Variants in MIS18A observed in about 807,000 individuals in gnomAD.
The protein encoded by MIS18A is MIS18 kinetochore protein A.
MIS18A carries 14 observed loss-of-function variants against 25.0 expected under a neutral mutation model. The observed-to-expected ratio is 0.56, with a 90% CI of 0.37 to 0.88. The LOEUF is 0.88. Among genes scored for constraint, MIS18A ranks in the 40% least tolerant of loss-of-function variants. The pLI, the probability that MIS18A is intolerant of heterozygous loss-of-function variation, is 0.00. For missense variants in MIS18A, 292 were observed against 290.8 expected (o/e 1.00, Z -0.03); for synonymous variants, 134 against 118.6 (o/e 1.13, Z -0.84).
At chr21:32,167,332 T>A in the MIS18A span, among the ~76,000 whole-genome samples, 1 of 151,754 alleles carries the variant, frequency 6.6e-6, no homozygotes, top group Non-Finnish European at 1.5e-5. Flanking sequence ...CAGGTTCCCA[T>A]ATGCTGAAAT....
the MIS18A span, among the ~76,000 whole-genome samples, chr21:32,253,189 A>C: frequency 1.3e-5 from 2 of 152,080 alleles, no homozygotes; most frequent in African/African-American, 2.4e-5. Context: ...AGAGTTGTGC[A>C]CTGATGGCCT....
At chr21:32,207,650 GGTTT>G in the MIS18A span, among the ~76,000 whole-genome samples, 10 of 151,828 alleles carry the variant, frequency 6.6e-5, no homozygotes, top group East Asian at 1.9e-3. Context: ...GAAACAGATT[GGTTT>G]GTTGGAATTT....
At chr21:32,169,845 A>AG in the MIS18A span, among the ~76,000 whole-genome samples, 3 of 152,318 alleles carry the variant, frequency 2.0e-5, no homozygotes, top group African/African-American at 7.2e-5. Context: ...GAAAGTCACT[A>AG]GAAAAACAAA....
At chr21:32,276,227 G>A (rs191268651) in intron 1 of MIS18A, among the ~76,000 whole-genome samples, 64 of 152,116 alleles carry the variant, frequency 4.2e-4, no homozygotes, top group Non-Finnish European at 6.8e-4. Context: ...TTGGGAGGCC[G>A]AGGCAGGCGG....
At chr21:32,214,288 T>C in the MIS18A span, among the ~76,000 whole-genome samples, 2 of 152,284 alleles carry the variant, frequency 1.3e-5, 1 homozygote, top group South Asian at 4.1e-4. Context: ...GATTCAGAGC[T>C]CCACATCTTG....
the MIS18A span, among the ~76,000 whole-genome samples, chr21:32,164,821 T>C: frequency 3.9e-5 from 6 of 151,916 alleles, no homozygotes; most frequent in Non-Finnish European, 1.5e-5. Flanking sequence ...CCCCAGAAAA[T>C]TGCAAAGTTC....
At chr21:32,275,021 A>G in intron 1 of MIS18A, 125 bp from the exon 2 acceptor site, 1 of 730,456 alleles carries the variant, frequency 1.4e-6, no homozygotes, top group Admixed American at 2.8e-5. Flanking sequence ...AGTCAAACAC[A>G]CAAAAGAGCG....
At chr21:32,278,651 G>GC (rs754644542) in intron 1 of MIS18A, 30 bp downstream of exon 1, 670 of 1,471,358 alleles carry the variant, frequency 4.6e-4, no homozygotes, top group Admixed American at 1.1e-3. Flanking sequence ...GCGACCCCAC[G>GC]CCCCCCCTGC....
chr21:32,209,749 T>C, the MIS18A span, among the ~76,000 whole-genome samples: 1 of 152,096 alleles, frequency 6.6e-6, no homozygotes, highest in African/African-American at 2.4e-5. Flanking sequence ...TGAGTTCTCA[T>C]GAGATCCGAT....
the MIS18A span, among the ~76,000 whole-genome samples, chr21:32,224,974 G>A: frequency 0.064 from 8,092 of 126,856 alleles, 248 homozygotes; most frequent in South Asian, 0.12. Context: ...AAATAACGCC[G>A]CATACCTACA....
the MIS18A span, among the ~76,000 whole-genome samples, chr21:32,203,496 TAA>T: frequency 4.9e-4 from 63 of 128,766 alleles, no homozygotes; most frequent in African/African-American, 9.3e-4. Flanking sequence ...CTTGGGAGCT[TAA>T]AAAAAAAAAA....
chr21:32,205,148 A>G, the MIS18A span, among the ~76,000 whole-genome samples: 1 of 111,286 alleles, frequency 9.0e-6, no homozygotes, highest in Admixed American at 1.4e-4. Flanking sequence ...TCTGTCTCCC[A>G]GGCTGGAGTG....
At chr21:32,249,800 C>T in the MIS18A span, among the ~76,000 whole-genome samples, 16 of 152,112 alleles carry the variant, frequency 1.1e-4, no homozygotes, top group Non-Finnish European at 2.1e-4. Flanking sequence ...GGGAGGGCAC[C>T]GAGTCATTCA....
At chr21:32,261,303 T>C in the MIS18A span, 1 of 152,232 alleles carries the variant, frequency 6.6e-6, no homozygotes, top group African/African-American at 2.4e-5. Context: ...AGGAACTCAC[T>C]GGCGGCCTTC....
the MIS18A span, among the ~76,000 whole-genome samples, chr21:32,256,246 C>T: frequency 6.6e-6 from 1 of 152,142 alleles, no homozygotes; most frequent in Non-Finnish European, 1.5e-5. Flanking sequence ...AATTGTGCTC[C>T]CTCAGAGAGT....
the MIS18A span, among the ~76,000 whole-genome samples, chr21:32,217,349 GA>G: frequency 5.3e-5 from 8 of 151,562 alleles, no homozygotes; most frequent in Admixed American, 3.9e-4. Flanking sequence ...AAACTGAAAT[GA>G]AAAAAAATTC....
At chr21:32,192,773 C>G in the MIS18A span, among the ~76,000 whole-genome samples, 1 of 152,194 alleles carries the variant, frequency 6.6e-6, no homozygotes, top group Non-Finnish European at 1.5e-5. Flanking sequence ...CCAAGCGTGG[C>G]TGAATAACCC....
At chr21:32,156,640 AT>A in the MIS18A span, 1 of 152,146 alleles carries the variant, frequency 6.6e-6, no homozygotes, top group Non-Finnish European at 1.5e-5. Context: ...TAACCTATAT[AT>A]TTTTATGTTC....
the MIS18A span, among the ~76,000 whole-genome samples, chr21:32,183,190 A>T: frequency 1.3e-5 from 2 of 152,288 alleles, no homozygotes; most frequent in African/African-American, 4.8e-5. Context: ...AACCAATGTC[A>T]TATTTCAATA....
Sources: gnomAD v4.1 joint callset for allele counts (sites outside exome capture counted in the v4.1 genomes callset) on GRCh38, gnomAD v4.1.1 for gene constraint, MANE v1.5 for transcripts, NCBI Gene and HGNC (gene_info 2026-07-23, HGNC 2026-07-21) for gene names.